The following SANBR variants were observed in gnomAD, a reference collection of about 807,000 sequenced individuals.
The protein encoded by SANBR is SANT and BTB domain regulator of CSR.
SANBR carries 77 observed loss-of-function variants against 101.8 expected under a neutral mutation model. The ratio of observed to expected loss-of-function variants is 0.76; its 90% confidence interval spans 0.63 to 0.91. The LOEUF (loss-of-function observed/expected upper bound fraction) is 0.91. Among genes scored for constraint, SANBR ranks in the 40% least tolerant of loss-of-function variants. SANBR has a pLI of 0.00. For missense variants in SANBR, 875 were observed against 853.0 expected (o/e 1.03, Z -0.32); for synonymous variants, 279 against 274.7 (o/e 1.02, Z -0.15).
At chr2:61,101,399 C>CA (rs1428687888) in intron 12 of SANBR, among the ~76,000 whole-genome samples, 1 of 152,170 alleles carries the variant, frequency 6.6e-6, no homozygotes, top group Non-Finnish European at 1.5e-5. Context: ...CATATTTCTA[C>CA]ATTGTTTCGA....
chr2:61,104,954 A>G (rs1396693326), intron 13 of SANBR, among the ~76,000 whole-genome samples: 1 of 149,338 alleles, frequency 6.7e-6, no homozygotes, highest in Non-Finnish European at 1.5e-5. Context: ...ATCCAACTAG[A>G]AAAAAAATGT....
chr2:61,122,021 A>G (rs1221104620), intron 21 of SANBR, 105 bp from the exon 22 acceptor site: 2 of 1,436,302 alleles, frequency 1.4e-6, no homozygotes, highest in Non-Finnish European at 1.9e-6. Context: ...CTGCAAGAAG[A>G]TTTATTAAAC....
chr2:61,067,677 A>G (rs980032912), intron 1 of SANBR, among the ~76,000 whole-genome samples: 2 of 152,162 alleles, frequency 1.3e-5, no homozygotes, highest in African/African-American at 4.8e-5. Flanking sequence ...CGGAGGTTGC[A>G]GTGAGCCGAG....
At chr2:61,080,811 C>T (rs1416132066) in intron 6 of SANBR, among the ~76,000 whole-genome samples, 1 of 151,886 alleles carries the variant, frequency 6.6e-6, no homozygotes, top group African/African-American at 2.4e-5. Flanking sequence ...TAACCATTGT[C>T]TGCTTAGTCG....
intron 6 of SANBR, among the ~76,000 whole-genome samples, chr2:61,080,730 C>A (rs989406536): frequency 4.6e-5 from 7 of 150,748 alleles, no homozygotes; most frequent in African/African-American, 7.3e-5. Flanking sequence ...AAAAAAAAAA[C>A]AACAACAAAA....
Position 61,096,865 on chromosome 2 carries a change from A to T in SANBR, c.1213-835A>T, listed in dbSNP as rs553075093. ...TGCTAAATATTTACCTTAAAAATGC[A>T]TCAAGGGGCCAGGCATGGTGGCTCA... is the stretch of plus-strand genomic sequence containing the variant. On this transcript the variant is annotated intron_variant, in intron 11 of 21. Coordinates refer to ENST00000402291, the MANE Select transcript of SANBR (RefSeq NM_001129993.3). Among the ~76,000 whole-genome samples the T allele has an allele frequency of 2.6e-5, 4 of 152,284 alleles. No individual in the cohort carries two copies. In the East Asian group the frequency reaches 7.7e-4, roughly 29 times the overall value.
intron 8 of SANBR, among the ~76,000 whole-genome samples, chr2:61,084,999 A>G (rs1241464507): frequency 6.6e-6 from 1 of 152,162 alleles, no homozygotes. Flanking sequence ...GGAGAAAGGA[A>G]AGATTGGGAG....
intron 20 of SANBR, among the ~76,000 whole-genome samples, chr2:61,133,914 CCATTTAAATG>C (rs1019152669): frequency 6.6e-6 from 1 of 152,084 alleles, no homozygotes; most frequent in African/African-American, 2.4e-5. Flanking sequence ...CTGGATTGTA[CCATTTAAATG>C]GGCGAATTGT....
At chr2:61,107,180 A>G (rs1683613720) in intron 14 of SANBR, among the ~76,000 whole-genome samples, 1 of 151,878 alleles carries the variant, frequency 6.6e-6, no homozygotes, top group African/African-American at 2.4e-5. Context: ...AAAAAAAAAA[A>G]GAAAAACCCA....
intron 21 of SANBR, among the ~76,000 whole-genome samples, chr2:61,136,191 C>G (rs1465551475): frequency 6.6e-6 from 1 of 151,822 alleles, no homozygotes; most frequent in Non-Finnish European, 1.5e-5. Flanking sequence ...GTAGTCCCAG[C>G]TACTCGGGAG....
At chr2:61,085,137 C>T (rs919569919) in intron 8 of SANBR, among the ~76,000 whole-genome samples, 2 of 152,000 alleles carry the variant, frequency 1.3e-5, no homozygotes, top group African/African-American at 4.8e-5. Flanking sequence ...GAGTTTAGGT[C>T]AAAGGTCAGG....
chr2:61,075,871 GATA>G (rs2104855642), intron 5 of SANBR, among the ~76,000 whole-genome samples: 1 of 152,006 alleles, frequency 6.6e-6, no homozygotes, highest in East Asian at 1.9e-4. Context: ...AGTATTTAAT[GATA>G]ATCTCTCTCC....
In SANBR at chr2:61,122,357, T is replaced by A. The variant is rs1684367176; in HGVS notation, c.*195T>A. The A allele has an allele frequency of 1.0e-5, 13 of 1,253,202 alleles. No individual in the cohort carries two copies. Among genetic ancestry groups the A allele is most frequent in the Non-Finnish European group, 1.3e-5 (13 of 981,760 alleles). The allele number at this position is 1,253,202 out of a possible 1,614,324, so 77.6% of individuals were successfully genotyped here. ...ATCTAATTGTAAATATGAAACTTTT[T>A]AAATCTGATTTTCTTCTAATATCAT... is the stretch of plus-strand genomic sequence containing the variant. On this transcript the variant is annotated 3_prime_UTR_variant, in exon 22 of 22. Transcript: ENST00000402291.
intron 12 of SANBR, among the ~76,000 whole-genome samples, chr2:61,100,084 A>G (rs1683212311): frequency 1.3e-5 from 2 of 152,058 alleles, no homozygotes; most frequent in South Asian, 4.1e-4. Flanking sequence ...TAGGTTATGA[A>G]TATTTGTTTA....
intron 8 of SANBR, among the ~76,000 whole-genome samples, chr2:61,083,878 A>G (rs554749581): frequency 6.6e-6 from 1 of 152,200 alleles, no homozygotes; most frequent in South Asian, 2.1e-4. Context: ...CAAAAAAAAA[A>G]AAAACTTTTT....
chr2:61,120,838 C>T (rs886727817), intron 20 of SANBR, among the ~76,000 whole-genome samples: 2 of 152,142 alleles, frequency 1.3e-5, no homozygotes, highest in Non-Finnish European at 2.9e-5. Flanking sequence ...ATATAATGTT[C>T]TGGAAAATGC....
Position 61,118,130 on chromosome 2 carries a change from A to G in SANBR, c.2028+14A>G, listed in dbSNP as rs1410722516. The stretch of plus-strand genomic sequence containing the variant: ...GAAGCAAAAGAAGTAAGAATTGTGT[A>G]CTAGTGTATTGTACTTGTGTAAAAT... On this transcript the variant is annotated intron_variant, in intron 20 of 21. Coordinates refer to ENST00000402291, the MANE Select transcript of SANBR (RefSeq NM_001129993.3). The G allele has an allele frequency of 3.2e-6, 5 of 1,570,366 alleles. No homozygotes were observed. The highest frequency in any genetic ancestry group is 3.5e-6 in the Non-Finnish European group (4 of 1,142,370).
intron 10 of SANBR, chr2:61,088,742 A>C (rs191784575): frequency 2.6e-6 from 1 of 380,466 alleles, no homozygotes; most frequent in African/African-American, 2.2e-5. Context: ...GCTGGTCTCG[A>C]ACTCCTGACC....
intron 20 of SANBR, among the ~76,000 whole-genome samples, chr2:61,118,707 A>G (rs1684199456): frequency 6.6e-6 from 1 of 150,678 alleles, no homozygotes. Flanking sequence ...GACTACAGGC[A>G]TGCACCACCA....
Sources: allele counts gnomAD v4.1 joint callset (sites outside exome capture counted in the v4.1 genomes callset), GRCh38; gene constraint gnomAD v4.1.1; transcripts MANE v1.5; gene names NCBI Gene and HGNC (gene_info 2026-07-23, HGNC 2026-07-21).